WDR17: variants seen among roughly 807,000 people sequenced by gnomAD.
WDR17 encodes WD repeat domain 17, also known as WD repeat-containing protein 17.
A neutral mutation model predicts 161.7 loss-of-function variants in WDR17; 143 were observed. The observed-to-expected ratio is 0.88, with a 90% CI of 0.77 to 1.02. WDR17 has a LOEUF of 1.02. Ranked by LOEUF, WDR17 falls within the 50% of genes least tolerant of loss-of-function variation. The probability of loss-of-function intolerance (pLI) is 0.00; values close to 1 mark genes in which losing one functional copy is unlikely to be tolerated. For synonymous variants in WDR17, 517 were observed against 515.6 expected (o/e 1.00, Z -0.04); for missense variants, 1,469 against 1,520.9 (o/e 0.97, Z 0.57).
intron 11 of WDR17, 78 bp from the exon 12 acceptor site, chr4:176,145,917 T>G: frequency 7.7e-7 from 1 of 1,293,546 alleles, no homozygotes; most frequent in Non-Finnish European, 1.0e-6. Flanking sequence ...TTTTAGAAAT[T>G]AGAACTATGG....
At chr4:176,172,660 T>C in intron 24 of WDR17, 144 bp downstream of exon 24, 1 of 780,432 alleles carries the variant, frequency 1.3e-6, no homozygotes, top group Non-Finnish European at 2.0e-6. Flanking sequence ...GTAGATTTAT[T>C]GGCTCATGGT....
At position 176,177,629 on chromosome 4, in the gene WDR17, C is replaced by G. The variant is rs1158407899; in HGVS notation, c.3707C>G (p.Ser1236Cys). The G allele has an allele frequency of 1.3e-6, 2 of 1,593,234 alleles. No individual in the cohort carries two copies. Among genetic ancestry groups the G allele is most frequent in the South Asian group, 2.3e-5 (2 of 86,792 alleles). Residue 1236 changes from serine (S) to cysteine (C), a missense_variant, in exon 28 of 29, where the codon TCT becomes TGT. Coordinates refer to ENST00000508596, the MANE Select transcript of WDR17 (RefSeq NM_181265.4). ...NLPSHSDIHISCLTGLKIQGP... is the reference protein window; with the variant it reads ...NLPSHSDIHICCLTGLKIQGP... ...CCAAGTCATTCTGATATTCACATTTCTTGTCTTACGGGATTAAAAATCCAG... is the reference window on the plus strand; with the variant it reads ...CCAAGTCATTCTGATATTCACATTTGTTGTCTTACGGGATTAAAAATCCAG...
chr4:176,073,433 C>G (rs1354696548), intron 1 of WDR17, among the ~76,000 whole-genome samples: 1 of 151,754 alleles, frequency 6.6e-6, no homozygotes, highest in Non-Finnish European at 1.5e-5. Flanking sequence ...AGGACATGAA[C>G]TCATCATTTT....
intron 5 of WDR17, among the ~76,000 whole-genome samples, chr4:176,126,954 A>G (rs1418087152): frequency 6.6e-6 from 1 of 152,188 alleles, no homozygotes; most frequent in African/African-American, 2.4e-5. Flanking sequence ...AAGTTTCCTG[A>G]GGCCTCCTCA....
chr4:176,165,023 T>C (rs1749563267), intron 22 of WDR17, among the ~76,000 whole-genome samples: 1 of 151,638 alleles, frequency 6.6e-6, no homozygotes, highest in South Asian at 2.1e-4. Flanking sequence ...TTTTAAAAAG[T>C]GAAGGTAAAA....
At chr4:176,157,999 G>A (rs1007348811) in intron 18 of WDR17, among the ~76,000 whole-genome samples, 1 of 152,198 alleles carries the variant, frequency 6.6e-6, no homozygotes, top group African/African-American at 2.4e-5. Context: ...AGGAGCCAGG[G>A]GGAAGTGATG....
chr4:176,140,056 A>G, intron 10 of WDR17, 82 bp downstream of exon 10: 1 of 1,217,234 alleles, frequency 8.2e-7, no homozygotes, highest in South Asian at 1.5e-5. Flanking sequence ...TGTATCCATG[A>G]GATTTCATTT....
chr4:176,150,560 A>C lies in WDR17; in HGVS notation c.2271A>C (p.Ile757=). 6.2e-7 allele frequency: 1 copy of C among 1,608,798 alleles called. No individual in the cohort carries two copies. The highest frequency in any genetic ancestry group is 8.5e-7 in the Non-Finnish European group (1 of 1,178,166). The part of the protein sequence containing the change: ...SLLPQNYCKG[I]MHLKHLIKFR... ...TTCCTCAGAACTACTGCAAAGGAATAATGCACTTGAAACATCTGATTAAAT... is the reference window on the plus strand; with the variant it reads ...TTCCTCAGAACTACTGCAAAGGAATCATGCACTTGAAACATCTGATTAAAT... The change falls in exon 16 of 29, where the codon ATA becomes ATC. Residue 757 remains isoleucine (I), a synonymous_variant. Transcript: ENST00000508596.
chr4:176,098,156 A>G (rs1167300525), intron 1 of WDR17: 1 of 180,660 alleles, frequency 5.5e-6, no homozygotes, highest in African/African-American at 2.4e-5. Flanking sequence ...TCAAAAATCC[A>G]ACTTATGCCC....
intron 17 of WDR17, among the ~76,000 whole-genome samples, chr4:176,155,545 G>GTTTTTTTTTTTTTTTTTTTTT (rs869207103): frequency 4.8e-5 from 5 of 105,246 alleles, no homozygotes; most frequent in African/African-American, 7.8e-5. Flanking sequence ...ATTTGTTTGT[G>GTTTTTTTTTTTTTTTTTTTTT]TTTTTTTTTT....
At chr4:176,131,784 TAAA>T in intron 7 of WDR17, 46 bp downstream of exon 7, 2 of 1,377,422 alleles carry the variant, frequency 1.5e-6, no homozygotes, top group Non-Finnish European at 1.9e-6. Flanking sequence ...GTTTTTTGTG[TAAA>T]CCCATGATCT....
rs552014184 is a variant in WDR17 at position 176,145,057 on chromosome 4, ATAAG to A, written c.1530-935_1530-932del. On this transcript the variant is annotated intron_variant, in intron 11 of 28. Transcript: ENST00000508596. ...TTTCTACATGTGGGCTTAAATAAAT[ATAAG>A]TATTATAACCCATGTGACAAAGTCA... is the stretch of plus-strand genomic sequence containing the variant. Among the ~76,000 whole-genome samples, 45 of 152,348 alleles carry A rather than the reference ATAAG, an allele frequency of 3.0e-4. 1 individual carries two copies. The highest frequency in any genetic ancestry group is 6.8e-3 in the Middle Eastern group (2 of 294).
chr4:176,140,604 G>C (rs1025757157), intron 10 of WDR17, among the ~76,000 whole-genome samples: 1 of 152,110 alleles, frequency 6.6e-6, no homozygotes, highest in Non-Finnish European at 1.5e-5. Flanking sequence ...CTCCTCCCCT[G>C]TAGCTGTCTA....
chr4:176,095,940 C>T (rs866920533), intron 1 of WDR17, among the ~76,000 whole-genome samples: 2 of 152,014 alleles, frequency 1.3e-5, no homozygotes, highest in East Asian at 1.9e-4. Context: ...CTCTGTTGAA[C>T]GTATTAGCAC....
At chr4:176,157,416 T>G (rs1369686529) in intron 18 of WDR17, among the ~76,000 whole-genome samples, 3 of 152,164 alleles carry the variant, frequency 2.0e-5, no homozygotes, top group African/African-American at 4.8e-5. Context: ...CATGGGAAAG[T>G]AGACTGTTCC....
intron 28 of WDR17, among the ~76,000 whole-genome samples, chr4:176,178,444 G>T (rs533963239): frequency 1.6e-4 from 24 of 152,166 alleles, no homozygotes; most frequent in African/African-American, 5.8e-4. Flanking sequence ...GTACCTTCAG[G>T]TTTCTTTCCT....
rs573340814 is a variant in WDR17, at chr4:176,069,862, A to C, written c.-7+3783A>C. On this transcript the variant is annotated intron_variant, in intron 1 of 28. Coordinates refer to ENST00000508596, the MANE Select transcript of WDR17 (RefSeq NM_181265.4). ...AACAGCTCCACATGGAGTCTCAAAAAAATGAATAGTTGGTTAATAAGAAAT... is the reference window on the plus strand; with the variant it reads ...AACAGCTCCACATGGAGTCTCAAAACAATGAATAGTTGGTTAATAAGAAAT... 6.6e-5 allele frequency among the ~76,000 whole-genome samples: 10 copies of C among 152,344 alleles called. No homozygotes were observed. The South Asian group carries it at 2.1e-3, about 32-fold the overall frequency.
intron 2 of WDR17, among the ~76,000 whole-genome samples, chr4:176,113,782 C>T (rs945213244): frequency 6.6e-6 from 1 of 151,856 alleles, no homozygotes; most frequent in Non-Finnish European, 1.5e-5. Flanking sequence ...GATAATGATA[C>T]TCTTGTATTA....
chr4:176,140,120 A>G (rs1303831664), intron 10 of WDR17, 146 bp downstream of exon 10: 2 of 530,608 alleles, frequency 3.8e-6, no homozygotes, highest in African/African-American at 3.9e-5. Context: ...ATAGGCACAT[A>G]CTATATTGCT....
Sources: allele counts gnomAD v4.1 joint callset (sites outside exome capture counted in the v4.1 genomes callset), GRCh38; gene constraint gnomAD v4.1.1; transcripts MANE v1.5; gene names NCBI Gene and HGNC (gene_info 2026-07-23, HGNC 2026-07-21).